Variants in NRXN3 observed in about 807,000 individuals in gnomAD.
The protein encoded by NRXN3 is neurexin III.
NRXN3 carries 32 observed loss-of-function variants against 137.6 expected under a neutral mutation model. That is an observed-to-expected ratio of 0.23 (90% CI 0.18 to 0.31). NRXN3 has a LOEUF of 0.31. Ranked by LOEUF, NRXN3 falls within the 10% of genes least tolerant of loss-of-function variation. NRXN3 has a pLI of 1.00. For synonymous variants in NRXN3, 798 were observed against 784.5 expected (o/e 1.02, Z -0.29); for missense variants, 1,574 against 2,062.5 (o/e 0.76, Z 4.59).
intron 8 of NRXN3, among the ~76,000 whole-genome samples, chr14:78,778,693 T>TCTTC (rs1555489657): frequency 6.9e-6 from 1 of 143,950 alleles, no homozygotes; most frequent in Non-Finnish European, 1.5e-5. Flanking sequence ...TTTCTTTCTT[T>TCTTC]CTTTCTTTCT....
chr14:79,467,138 C>G lies in NRXN3; in HGVS notation c.3263-83C>G, dbSNP rs1041488546. On this transcript the variant is annotated intron_variant, in intron 15 of 20. Transcript: ENST00000335750. ...GGGACATTTCCTCTCTGCAGCTGTT[C>G]TGTGTAGGGTCTCAACAGTGTGCTA... The G allele has an allele frequency of 9.9e-6, 13 of 1,317,406 alleles. No homozygotes were observed. The African/African-American group carries it at 1.8e-4, about 18-fold the overall frequency. 81.6% of individuals were successfully genotyped at this position (1,317,406 alleles called of 1,614,324 possible). A position where few individuals can be genotyped will look rare whatever the true frequency, so the allele number is the denominator to read the frequency against.
intron 6 of NRXN3, among the ~76,000 whole-genome samples, chr14:78,670,203 T>C (rs1474273643): frequency 2.6e-5 from 4 of 152,218 alleles, no homozygotes; most frequent in African/African-American, 4.8e-5. Flanking sequence ...TCCTTTTTTA[T>C]GGCCGCATAG....
At chr14:79,164,762 G>A (rs2061133675) in intron 15 of NRXN3, among the ~76,000 whole-genome samples, 1 of 151,948 alleles carries the variant, frequency 6.6e-6, no homozygotes. Context: ...TCAGAAAAAT[G>A]CATAGTAATT....
intron 8 of NRXN3, among the ~76,000 whole-genome samples, chr14:78,791,057 G>A (rs1029664623): frequency 3.3e-5 from 5 of 152,108 alleles, no homozygotes; most frequent in African/African-American, 1.2e-4. Context: ...CTTCCTTGCA[G>A]GTGTAGCCAA....
chr14:79,563,253 G>A (rs1305381486), intron 16 of NRXN3, among the ~76,000 whole-genome samples: 3 of 152,142 alleles, frequency 2.0e-5, no homozygotes, highest in South Asian at 2.1e-4. Context: ...AAACGGAGAA[G>A]TAGAGAATTT....
At chr14:79,806,691 AT>A (rs895089703) in intron 20 of NRXN3, among the ~76,000 whole-genome samples, 43 of 149,844 alleles carry the variant, frequency 2.9e-4, no homozygotes, top group Middle Eastern at 3.5e-3. Flanking sequence ...GATACAATAT[AT>A]CTCTAGATTT....
chr14:79,451,850 G>A (rs2096178243), intron 15 of NRXN3, among the ~76,000 whole-genome samples: 1 of 152,176 alleles, frequency 6.6e-6, no homozygotes, highest in South Asian at 2.1e-4. Context: ...GGCAGCCAGA[G>A]TCAGAGGAAA....
chr14:79,310,840 C>A (rs1230563965), intron 15 of NRXN3, among the ~76,000 whole-genome samples: 1 of 119,070 alleles, frequency 8.4e-6, no homozygotes, highest in East Asian at 2.8e-4. Flanking sequence ...TGGGCTGAGA[C>A]GATGGGGTTT....
intron 10 of NRXN3, among the ~76,000 whole-genome samples, chr14:78,813,891 G>A (rs1045876904): frequency 6.6e-6 from 1 of 152,306 alleles, no homozygotes; most frequent in Admixed American, 6.5e-5. Flanking sequence ...CCTTTTGTCA[G>A]AGACTATGGC....
intron 19 of NRXN3, among the ~76,000 whole-genome samples, chr14:79,753,398 T>C (rs1440146289): frequency 1.3e-5 from 2 of 151,784 alleles, no homozygotes; most frequent in Admixed American, 6.6e-5. Flanking sequence ...CCATAAAAAA[T>C]GATGAGTTCA....
intron 16 of NRXN3, among the ~76,000 whole-genome samples, chr14:79,513,696 G>C (rs2096954837): frequency 6.6e-6 from 1 of 152,294 alleles, no homozygotes; most frequent in Admixed American, 6.5e-5. Context: ...AGCACTTCAG[G>C]AGCTAATCAG....
chr14:78,350,519 G>A (rs536283704), intron 4 of NRXN3, among the ~76,000 whole-genome samples: 1 of 152,146 alleles, frequency 6.6e-6, no homozygotes, highest in East Asian at 1.9e-4. Context: ...TGGTATTTGG[G>A]GCCAAAGAGG....
chr14:78,327,207 G>A (rs1161497681), intron 4 of NRXN3, among the ~76,000 whole-genome samples: 15 of 152,162 alleles, frequency 9.9e-5, no homozygotes, highest in Non-Finnish European at 5.9e-5. Context: ...AAGTGCAAAG[G>A]CAACAAAGAC....
chr14:78,523,643 CAAAAAAAAAAAAA>C (rs3036598), intron 4 of NRXN3, among the ~76,000 whole-genome samples: 186 of 77,720 alleles, frequency 2.4e-3, no homozygotes, highest in African/African-American at 9.1e-3. Flanking sequence ...ACTACAAATA[CAAAAAAAAAAAAA>C]AAAAAAAAAA....
intron 1 of NRXN3, among the ~76,000 whole-genome samples, chr14:78,222,437 C>T (rs529269802): frequency 5.3e-5 from 8 of 152,310 alleles, no homozygotes; most frequent in South Asian, 2.1e-4. Context: ...AAAGACCAGC[C>T]GCCACATCGC....
chr14:79,214,472 G>C (rs1040072615), intron 15 of NRXN3, among the ~76,000 whole-genome samples: 6 of 152,186 alleles, frequency 3.9e-5, no homozygotes, highest in African/African-American at 1.4e-4. Flanking sequence ...GGAGGATGTT[G>C]AATGTTCCCA....
At chr14:79,203,264 C>T (rs1425889651) in intron 15 of NRXN3, among the ~76,000 whole-genome samples, 1 of 152,166 alleles carries the variant, frequency 6.6e-6, no homozygotes, top group African/African-American at 2.4e-5. Flanking sequence ...CTACATATGA[C>T]ATTTTTCATT....
intron 10 of NRXN3, among the ~76,000 whole-genome samples, chr14:78,815,473 T>G (rs1262302932): frequency 8.8e-6 from 1 of 113,286 alleles, no homozygotes; most frequent in Non-Finnish European, 1.8e-5. Flanking sequence ...GATAATTTGT[T>G]TCTTTCTTTT....
chr14:79,409,950 G>A (rs1244775797), intron 15 of NRXN3, among the ~76,000 whole-genome samples: 1 of 151,294 alleles, frequency 6.6e-6, no homozygotes, highest in Non-Finnish European at 1.5e-5. Context: ...ACTCCTTCTT[G>A]TTTTGTCTTT....
Sources: allele counts gnomAD v4.1 joint callset (sites outside exome capture counted in the v4.1 genomes callset), GRCh38; gene constraint gnomAD v4.1.1; transcripts MANE v1.5; gene names NCBI Gene and HGNC (gene_info 2026-07-23, HGNC 2026-07-21).